The following ZDHHC2 variants were observed in gnomAD, a reference collection of about 807,000 sequenced individuals.
ZDHHC2 encodes the protein palmitoyltransferase ZDHHC2.
ZDHHC2 carries 51 observed loss-of-function variants against 55.6 expected under a neutral mutation model. The ratio of observed to expected loss-of-function variants is 0.92; its 90% CI spans 0.73 to 1.16. The LOEUF is 1.16. ZDHHC2 is among the 50% of genes most tolerant of loss of function. The pLI is 0.00. For missense variants in ZDHHC2, 491 were observed against 442.4 expected (o/e 1.11, Z -0.99); for synonymous variants, 199 against 152.9 (o/e 1.30, Z -2.22).
At chr8:17,208,505 T>C in intron 8 of ZDHHC2, among the ~76,000 whole-genome samples, 1 of 151,912 alleles carries the variant, frequency 6.6e-6, no homozygotes, top group Non-Finnish European at 1.5e-5. Flanking sequence ...GACTAAGCTA[T>C]GTAGAGTTTC....
At chr8:17,177,235 G>T (rs1805186609) in intron 1 of ZDHHC2, among the ~76,000 whole-genome samples, 1 of 152,304 alleles carries the variant, frequency 6.6e-6, no homozygotes, top group African/African-American at 2.4e-5. Context: ...CTTGACACGG[G>T]TGATTGCAGT....
At chr8:17,215,599 A>G (rs1807609949) in intron 11 of ZDHHC2, among the ~76,000 whole-genome samples, 1 of 152,214 alleles carries the variant, frequency 6.6e-6, no homozygotes, top group Non-Finnish European at 1.5e-5. Context: ...AATCTTTATC[A>G]CCATTCCTCA....
rs190459682 is a variant in ZDHHC2, at chr8:17,174,273, A to T, written c.131-10516A>T. 4.1e-3 allele frequency among the ~76,000 whole-genome samples: 630 copies of T among 152,100 alleles called. 2 individuals are homozygous for T. The highest frequency in any genetic ancestry group is 0.012 in the African/African-American group (513 of 41,468). On this transcript the variant is annotated intron_variant, in intron 1 of 12. Coordinates refer to ENST00000262096, the MANE Select transcript of ZDHHC2 (RefSeq NM_016353.5). ...CCTGCTAATTTATAATTTAAAAAAA[A>T]TTTTTTATCTCCATCTTCTAGAGTC...
intron 1 of ZDHHC2, among the ~76,000 whole-genome samples, chr8:17,166,620 A>G (rs1386277467): frequency 6.6e-6 from 1 of 152,200 alleles, no homozygotes; most frequent in Non-Finnish European, 1.5e-5. Flanking sequence ...GAGCAGAGAA[A>G]TGGACCAAAG....
chr8:17,168,636 A>C (rs1400756368), intron 1 of ZDHHC2, among the ~76,000 whole-genome samples: 2 of 152,162 alleles, frequency 1.3e-5, no homozygotes, highest in African/African-American at 4.8e-5. Context: ...TGTGCAGTTT[A>C]ACACTAACCC....
At chr8:17,164,363 T>C (rs1024103030) in intron 1 of ZDHHC2, among the ~76,000 whole-genome samples, 14 of 152,300 alleles carry the variant, frequency 9.2e-5, no homozygotes, top group African/African-American at 3.4e-4. Context: ...AGGTATGTTA[T>C]TGATTGGATT....
intron 6 of ZDHHC2, among the ~76,000 whole-genome samples, chr8:17,199,077 G>A (rs747666567): frequency 7.9e-5 from 12 of 152,182 alleles, no homozygotes; most frequent in Non-Finnish European, 1.2e-4. Flanking sequence ...ATTTGGGCGT[G>A]AGTAATGCTT....
intron 1 of ZDHHC2, among the ~76,000 whole-genome samples, chr8:17,159,282 A>G (rs2150872614): frequency 6.6e-6 from 1 of 152,276 alleles, no homozygotes; most frequent in African/African-American, 2.4e-5. Flanking sequence ...GGAAGTTGCC[A>G]TTTACAAGCA....
intron 1 of ZDHHC2, among the ~76,000 whole-genome samples, chr8:17,158,577 G>C (rs997586576): frequency 2.6e-5 from 4 of 152,216 alleles, no homozygotes; most frequent in Non-Finnish European, 4.4e-5. Flanking sequence ...CAGGTGATGG[G>C]GAAGGAACTA....
At chr8:17,175,648 G>A (rs536251338) in intron 1 of ZDHHC2, among the ~76,000 whole-genome samples, 6 of 152,134 alleles carry the variant, frequency 3.9e-5, no homozygotes, top group South Asian at 4.2e-4. Context: ...AAAAGAGCTC[G>A]GTGAGATAAA....
chr8:17,197,789 A>G (rs1174934824), intron 5 of ZDHHC2, 138 bp downstream of exon 5: 6 of 944,348 alleles, frequency 6.4e-6, no homozygotes, highest in East Asian at 2.5e-5. Context: ...TGGAGTTGGT[A>G]TAACCCGCTG....
intron 1 of ZDHHC2, among the ~76,000 whole-genome samples, chr8:17,177,449 G>A: frequency 6.6e-6 from 1 of 152,190 alleles, no homozygotes; most frequent in East Asian, 1.9e-4. Context: ...AAAGCATAAA[G>A]TATTTTTGTC....
chr8:17,198,205 A>G (rs772702023), intron 5 of ZDHHC2, among the ~76,000 whole-genome samples, 176 bp from the exon 6 acceptor site: 2 of 152,180 alleles, frequency 1.3e-5, no homozygotes, highest in Non-Finnish European at 2.9e-5. Context: ...AGAATTGGCT[A>G]TAGGGTTTAT....
chr8:17,199,606 T>TTTCTTCTTCTTCTTC lies in ZDHHC2; in HGVS notation c.476+1197_476+1211dup, dbSNP rs147013065. 1.8e-4 allele frequency among the ~76,000 whole-genome samples: 9 copies of TTTCTTCTTCTTCTTC among 50,836 alleles called. 1 individual carries two copies. Among genetic ancestry groups the TTTCTTCTTCTTCTTC allele is most frequent in the African/African-American group, 4.4e-4 (9 of 20,398 alleles). The allele number at this position is 50,836 out of a possible 152,430, so 33.4% of individuals were successfully genotyped here. On this transcript the variant is annotated intron_variant, in intron 6 of 12. Transcript: ENST00000262096. ...TCTTCTTCTTTCTTCTTCTTTATTC[T>TTTCTTCTTCTTCTTC]TTCTTCTTCTTCTTCTTCCTTTCTT...
chr8:17,199,503 T>TCTTCG (rs1554465991), intron 6 of ZDHHC2, among the ~76,000 whole-genome samples: 1,905 of 62,990 alleles, frequency 0.03, 70 homozygotes, highest in Admixed American at 0.1. Context: ...CTTCTTCTTC[T>TCTTCG]TCTTCTTCTT....
At chr8:17,178,388 T>C (rs1195485927) in intron 1 of ZDHHC2, among the ~76,000 whole-genome samples, 1 of 152,166 alleles carries the variant, frequency 6.6e-6, no homozygotes, top group African/African-American at 2.4e-5. Context: ...TAATATATAG[T>C]ATCTATATAT....
intron 4 of ZDHHC2, among the ~76,000 whole-genome samples, chr8:17,196,804 A>G (rs554404516): frequency 6.6e-6 from 1 of 151,842 alleles, no homozygotes; most frequent in Non-Finnish European, 1.5e-5. Flanking sequence ...TACTCAGCTC[A>G]GGAGGCTGAG....
At chr8:17,158,258 A>G (rs1481739266) in intron 1 of ZDHHC2, among the ~76,000 whole-genome samples, 2 of 152,212 alleles carry the variant, frequency 1.3e-5, no homozygotes, top group Non-Finnish European at 2.9e-5. Context: ...TGCCTTATTG[A>G]GATAGACTGT....
chr8:17,201,479 C>CTTTTTTTTTGTTTTTTTTTTTTTTTTTTT, intron 6 of ZDHHC2, among the ~76,000 whole-genome samples: 1 of 88,194 alleles, frequency 1.1e-5, no homozygotes, highest in Non-Finnish European at 2.5e-5. Context: ...CTCTCTCTCT[C>CTTTTTTTTTGTTTTTTTTTTTTTTTTTTT]TCTTTTTTTT....
Sources: allele counts gnomAD v4.1 joint callset (sites outside exome capture counted in the v4.1 genomes callset), GRCh38; gene constraint gnomAD v4.1.1; transcripts MANE v1.5; gene names NCBI Gene and HGNC (gene_info 2026-07-23, HGNC 2026-07-21).